The following DCC variants were observed in gnomAD, a reference collection of about 807,000 sequenced individuals.
The protein encoded by DCC is netrin receptor DCC.
DCC carries 58 observed loss-of-function variants against 172.5 expected under a neutral mutation model. The ratio of observed to expected loss-of-function variants is 0.34; its 90% CI spans 0.27 to 0.42. The LOEUF (loss-of-function observed/expected upper bound fraction) is 0.42, where lower values mean the gene tolerates loss of function less well. Among genes scored for constraint, DCC ranks in the 10% least tolerant of loss-of-function variants. The pLI is 1.00. For synonymous variants in DCC, 709 were observed against 644.5 expected (o/e 1.10, Z -1.52); for missense variants, 1,740 against 1,791.0 (o/e 0.97, Z 0.51).
chr18:53,509,311 T>TA (rs2046222195), intron 27 of DCC, among the ~76,000 whole-genome samples: 1 of 152,270 alleles, frequency 6.6e-6, no homozygotes, highest in African/African-American at 2.4e-5. Flanking sequence ...TTAAGCATGT[T>TA]ACAGTATGGG....
chr18:52,782,532 C>T (rs111627202), intron 2 of DCC, among the ~76,000 whole-genome samples: 8,050 of 152,190 alleles, frequency 0.053, 287 homozygotes, highest in South Asian at 0.16. Flanking sequence ...CTAAACTCTG[C>T]CTCTATCCTA....
At chr18:53,237,222 A>C (rs144067379) in intron 12 of DCC, 15 of 154,222 alleles carry the variant, frequency 9.7e-5, no homozygotes, top group African/African-American at 3.6e-4. Flanking sequence ...ACAGTTAAAC[A>C]ATGCAAAGCC....
chr18:53,437,580 CT>C (rs1441235328), intron 22 of DCC, among the ~76,000 whole-genome samples: 4 of 63,088 alleles, frequency 6.3e-5, no homozygotes, highest in Non-Finnish European at 1.1e-4. Context: ...AAGGCTCCAT[CT>C]CAAAAAAAAA....
intron 1 of DCC, among the ~76,000 whole-genome samples, chr18:52,377,998 C>T (rs945277015): frequency 5.3e-5 from 8 of 152,068 alleles, no homozygotes; most frequent in Admixed American, 5.2e-4. Context: ...CTGCGCCTGG[C>T]CAAGCCATTT....
chr18:53,140,661 G>A (rs558521459), intron 7 of DCC, among the ~76,000 whole-genome samples: 25 of 152,082 alleles, frequency 1.6e-4, no homozygotes, highest in African/African-American at 5.5e-4. Flanking sequence ...CATTCAGGAA[G>A]GGAAACTAGT....
chr18:52,718,279 T>C (rs904336523), intron 1 of DCC, among the ~76,000 whole-genome samples: 2 of 152,236 alleles, frequency 1.3e-5, no homozygotes. Flanking sequence ...GTCACAAGTA[T>C]GAAAATTCAT....
intron 14 of DCC, among the ~76,000 whole-genome samples, chr18:53,322,574 A>T (rs1035815998): frequency 2.4e-4 from 36 of 152,050 alleles, no homozygotes; most frequent in African/African-American, 8.2e-4. Flanking sequence ...AAACATCTAT[A>T]TGTATTTTTT....
At chr18:52,889,105 T>G (rs2039611056) in intron 2 of DCC, among the ~76,000 whole-genome samples, 1 of 152,112 alleles carries the variant, frequency 6.6e-6, no homozygotes, top group African/African-American at 2.4e-5. Context: ...CAATCATCAA[T>G]TAAAGATTAG....
At chr18:53,091,366 T>C (rs988551309) in intron 7 of DCC, among the ~76,000 whole-genome samples, 1 of 147,640 alleles carries the variant, frequency 6.8e-6, no homozygotes, top group Non-Finnish European at 1.5e-5. Flanking sequence ...TATATACTAA[T>C]ATATATAAAT....
At chr18:52,824,097 A>AT (rs1184331523) in intron 2 of DCC, among the ~76,000 whole-genome samples, 1 of 152,210 alleles carries the variant, frequency 6.6e-6, no homozygotes, top group Non-Finnish European at 1.5e-5. Context: ...TCCATTTAAA[A>AT]AGACCTCCCT....
chr18:52,955,810 A>G lies in DCC; in HGVS notation c.985+30440A>G, dbSNP rs148442221. On this transcript the variant is annotated intron_variant, in intron 5 of 28. Coordinates refer to ENST00000442544, the MANE Select transcript of DCC (RefSeq NM_005215.4). Reference sequence around the variant, plus strand: ...ATTCTCAAATAACATAACATATGATACTGAATGCATGTTATTAATGTATAC... The same window carrying G: ...ATTCTCAAATAACATAACATATGATGCTGAATGCATGTTATTAATGTATAC... 4.5e-3 allele frequency among the ~76,000 whole-genome samples: 680 copies of G among 152,192 alleles called. 3 individuals carry two copies. The highest frequency in any genetic ancestry group is 0.014 in the African/African-American group (574 of 41,558).
intron 8 of DCC, among the ~76,000 whole-genome samples, chr18:53,176,560 CA>C (rs1478734203): frequency 3.3e-5 from 5 of 151,736 alleles, no homozygotes; most frequent in Admixed American, 3.3e-4. Context: ...TTTATGCAGC[CA>C]AAAAACACAT....
chr18:52,531,728 C>G (rs968200268), intron 1 of DCC, among the ~76,000 whole-genome samples: 13 of 152,044 alleles, frequency 8.6e-5, no homozygotes, highest in African/African-American at 3.1e-4. Flanking sequence ...AACGACATCC[C>G]TTGACATCCA....
At chr18:53,509,491 T>C (rs906157121) in intron 27 of DCC, among the ~76,000 whole-genome samples, 1 of 151,806 alleles carries the variant, frequency 6.6e-6, no homozygotes, top group Admixed American at 6.5e-5. Flanking sequence ...AGGTTCTGAA[T>C]TGCTAAAAAG....
chr18:52,720,917 A>G (rs915047081), intron 1 of DCC, among the ~76,000 whole-genome samples: 2 of 152,148 alleles, frequency 1.3e-5, no homozygotes, highest in African/African-American at 4.8e-5. Flanking sequence ...AAATGAGTTC[A>G]TCCTCCTTGC....
At chr18:52,462,500 C>T (rs1330652260) in intron 1 of DCC, among the ~76,000 whole-genome samples, 2 of 152,102 alleles carry the variant, frequency 1.3e-5, no homozygotes, top group Non-Finnish European at 2.9e-5. Context: ...CCACAATGCT[C>T]CTTCCCCTCA....
chr18:52,519,478 T>C (rs552200239), intron 1 of DCC, among the ~76,000 whole-genome samples: 9 of 152,296 alleles, frequency 5.9e-5, no homozygotes, highest in African/African-American at 2.2e-4. Context: ...TGAAAAGACA[T>C]GTGCAATAGT....
chr18:53,094,006 A>T (rs887376636), intron 7 of DCC, among the ~76,000 whole-genome samples: 15 of 152,154 alleles, frequency 9.9e-5, no homozygotes, highest in Non-Finnish European at 1.6e-4. Context: ...AAAGTGCTTT[A>T]AAAAAAGTCG....
At chr18:52,966,430 C>T (rs2040931200) in intron 5 of DCC, among the ~76,000 whole-genome samples, 2 of 152,074 alleles carry the variant, frequency 1.3e-5, no homozygotes, top group African/African-American at 4.8e-5. Context: ...TCTGTATACC[C>T]TCCACCCCTA....
Sources: gnomAD v4.1 joint callset for allele counts (sites outside exome capture counted in the v4.1 genomes callset) on GRCh38, gnomAD v4.1.1 for gene constraint, MANE v1.5 for transcripts, NCBI Gene and HGNC (gene_info 2026-07-23, HGNC 2026-07-21) for gene names.